Variants in CD59 observed in about 807,000 individuals in gnomAD.
The protein encoded by CD59 is CD59 molecule (CD59 blood group).
Under a neutral mutation model 7.0 loss-of-function variants are expected in CD59, and 3 were observed. The ratio of observed to expected loss-of-function variants is 0.43; its 90% CI spans 0.19 to 1.10. CD59 has a LOEUF of 1.10. Ranked by LOEUF, CD59 falls within the 50% of genes least tolerant of loss-of-function variation. The pLI, the probability that CD59 is intolerant of heterozygous loss-of-function variation, is 0.29. For missense variants in CD59, 143 were observed against 151.0 expected, an observed-to-expected ratio of 0.95 and a Z score of 0.28; for synonymous variants, 60 against 62.0, an observed-to-expected ratio of 0.97 and a Z score of 0.15.
chr11:33,719,631 T>C (rs990810685), intron 2 of CD59: 5 of 152,004 alleles, frequency 3.3e-5, no homozygotes, highest in Non-Finnish European at 7.4e-5. Context: ...AAAAAATAAA[T>C]AAAATAAAAT....
chr11:33,705,636 G>A lies in CD59; in HGVS notation c.*4490C>T, dbSNP rs1462818355. 6.6e-6 allele frequency: 1 copy of A among 152,198 alleles called. No individual in the cohort carries two copies. Among genetic ancestry groups the A allele is most frequent in the Non-Finnish European group, 1.5e-5 (1 of 68,040 alleles). The allele number at this position is 152,198 out of a possible 1,614,324, so 9.4% of individuals were successfully genotyped here. A position where few individuals can be genotyped will look rare whatever the true frequency, so the allele number is the denominator to read the frequency against. On this transcript the variant is annotated 3_prime_UTR_variant, in exon 4 of 4. Coordinates refer to ENST00000642928, the MANE Select transcript of CD59 (RefSeq NM_000611.6). The stretch of plus-strand genomic sequence containing the variant: ...CAGCTTCCCCAGTTTTGAGGTTTTT[G>A]AACTCAGGCTGAGCCACTACTGGCT...
intron 1 of CD59, among the ~76,000 whole-genome samples, chr11:33,725,480 A>G (rs1474774990): frequency 3.3e-5 from 5 of 152,190 alleles, no homozygotes; most frequent in Non-Finnish European, 5.9e-5. Context: ...GACTGTTCTA[A>G]TAATACTGCT....
rs370661440 is a variant in CD59 at position 33,708,423 on chromosome 11, G to A, written c.*1703C>T. 5 of 151,980 alleles carry A rather than the reference G, an allele frequency of 3.3e-5. No homozygotes were observed. Among genetic ancestry groups the A allele is most frequent in the East Asian group, 3.9e-4 (2 of 5,176 alleles). The allele number at this position is 151,980 out of a possible 1,614,324, so 9.4% of individuals were successfully genotyped here. On this transcript the variant is annotated 3_prime_UTR_variant, in exon 4 of 4. Transcript: ENST00000642928. ...CCTGAGAGAGGCTTCCAAAACTGTC[G>A]ACTCCTGGCTTTCTGGAGTGTGGCT...
rs1035979594 is a variant in CD59, at chr11:33,709,285, T to C, written c.*841A>G. ...GTGTCCCCACTGCATTCATACTATA[T>C]ACACACATACCTGAACTGCCTTTCT... is the stretch of plus-strand genomic sequence containing the variant. On this transcript the variant is annotated 3_prime_UTR_variant, in exon 4 of 4. Coordinates refer to ENST00000642928, the MANE Select transcript of CD59 (RefSeq NM_000611.6). 6.5e-6 allele frequency: 1 copy of C among 152,762 alleles called. No individual in the cohort carries two copies. The highest frequency in any genetic ancestry group is 1.5e-5 in the Non-Finnish European group (1 of 68,506). The allele number at this position is 152,762 out of a possible 1,614,324, so 9.5% of individuals were successfully genotyped here. A position where few individuals can be genotyped will look rare whatever the true frequency, so the allele number is the denominator to read the frequency against.
intron 1 of CD59, among the ~76,000 whole-genome samples, chr11:33,726,538 G>A (rs2133566389): frequency 6.6e-6 from 1 of 152,244 alleles, no homozygotes; most frequent in East Asian, 1.9e-4. Context: ...GTGTGTAGAG[G>A]GAAATTTATA....
At chr11:33,721,311 A>G (rs1854050059) in intron 2 of CD59, among the ~76,000 whole-genome samples, 1 of 152,182 alleles carries the variant, frequency 6.6e-6, no homozygotes, top group African/African-American at 2.4e-5. Flanking sequence ...CTCAGCTGTA[A>G]TATGGGAGGT....
chr11:33,731,960 C>T (rs779095032), intron 1 of CD59, among the ~76,000 whole-genome samples: 3 of 149,176 alleles, frequency 2.0e-5, no homozygotes, highest in South Asian at 2.1e-4. Flanking sequence ...TCACTGGGGA[C>T]GGTTTCCCCC....
chr11:33,728,584 G>A (rs1489491085), intron 1 of CD59, among the ~76,000 whole-genome samples: 1 of 152,108 alleles, frequency 6.6e-6, no homozygotes, highest in Non-Finnish European at 1.5e-5. Context: ...GAAAACCTAG[G>A]CAATACCATT....
At chr11:33,715,283 C>T (rs1358927247) in intron 3 of CD59, among the ~76,000 whole-genome samples, 4 of 152,138 alleles carry the variant, frequency 2.6e-5, no homozygotes, top group Non-Finnish European at 5.9e-5. Flanking sequence ...TACTGGTTTG[C>T]ATTCCCACTA....
rs1013328764 is a variant in CD59 at position 33,711,268 on chromosome 11, A to G, written c.170-925T>C. On this transcript the variant is annotated intron_variant, in intron 3 of 3. Transcript: ENST00000642928. Reference sequence around the variant, plus strand: ...AATTGTTTGAGGCGGGAAGTTTCAGACCAGCCTGGTCAACATGGCAAGACC... The same window carrying G: ...AATTGTTTGAGGCGGGAAGTTTCAGGCCAGCCTGGTCAACATGGCAAGACC... The G allele has an allele frequency of 6.6e-6, 4 of 603,826 alleles. No homozygotes were observed. The African/African-American group carries it at 7.6e-5, about 11-fold the overall frequency. The allele number at this position is 603,826 out of a possible 1,614,324, so 37.4% of individuals were successfully genotyped here.
rs768526855 is a variant in CD59 at position 33,710,104 on chromosome 11, G to A, written c.*22C>T. The A allele has an allele frequency of 6.3e-7, 1 of 1,578,502 alleles. No individual in the cohort carries two copies. The highest frequency in any genetic ancestry group is 1.7e-5 in the Admixed American group (1 of 58,624). On this transcript the variant is annotated 3_prime_UTR_variant, in exon 4 of 4. Coordinates refer to ENST00000642928, the MANE Select transcript of CD59 (RefSeq NM_000611.6). ...GACTACGCAGGAACGGGGAGTTTGG[G>A]AGAAGCTCTCCTGGTGTTGACTTAG... is the stretch of plus-strand genomic sequence containing the variant.
chr11:33,728,962 T>C (rs1397595057), intron 1 of CD59, among the ~76,000 whole-genome samples: 1 of 152,152 alleles, frequency 6.6e-6, no homozygotes, highest in Admixed American at 6.5e-5. Context: ...AAAACCACAA[T>C]GAGATACCAT....
In CD59 at chr11:33,717,467, AT is replaced by A; in HGVS notation, c.71del (p.His24LeufsTer56). ...LVLAVFCHSG[H>X]SLQCYNCPNP... ...TAGGACAGTTGTAGCACTGCAGGCT[AT>A]GACCTAGAATCAGGAAGAAAGTCAG... On this transcript the variant is annotated frameshift_variant, in exon 3 of 4. Transcript: ENST00000642928. LOFTEE classifies it high-confidence loss of function. 6.3e-7 allele frequency: 1 copy of A among 1,598,328 alleles called. No homozygotes were observed.
intron 2 of CD59, chr11:33,717,916 G>T (rs910638840): frequency 2.0e-5 from 5 of 248,578 alleles, no homozygotes; most frequent in African/African-American, 1.1e-4. Context: ...AATGAAATAT[G>T]TAAAATGTCA....
At chr11:33,735,837 A>ACCCGG in intron 1 of CD59, among the ~76,000 whole-genome samples, 1 of 149,108 alleles carries the variant, frequency 6.7e-6, no homozygotes, top group South Asian at 2.1e-4. Flanking sequence ...AATCGCTTGA[A>ACCCGG]CCCGGTACAC....
chr11:33,729,486 G>A (rs1854351450), intron 1 of CD59, among the ~76,000 whole-genome samples: 2 of 152,042 alleles, frequency 1.3e-5, no homozygotes, highest in Admixed American at 1.3e-4. Context: ...ATGGACACAG[G>A]GAGGGGAACA....
rs1361157132 is a variant in CD59, at chr11:33,709,422, A to T, written c.*704T>A. 6.4e-6 allele frequency: 1 copy of T among 155,476 alleles called. No homozygotes were observed. The highest frequency in any genetic ancestry group is 1.9e-4 in the East Asian group (1 of 5,246). 9.6% of individuals were successfully genotyped at this position (155,476 alleles called of 1,614,324 possible). A position where few individuals can be genotyped will look rare whatever the true frequency, so the allele number is the denominator to read the frequency against. On this transcript the variant is annotated 3_prime_UTR_variant, in exon 4 of 4. Coordinates refer to ENST00000642928, the MANE Select transcript of CD59 (RefSeq NM_000611.6). ...AGATATCCTACCATTCCAATAAAAA[A>T]AAGGCAAGGAAATAGCTTTAACACA...
At chr11:33,720,912 G>A (rs1295262751) in intron 2 of CD59, among the ~76,000 whole-genome samples, 1 of 152,182 alleles carries the variant, frequency 6.6e-6, no homozygotes, top group Non-Finnish European at 1.5e-5. Flanking sequence ...CTCATCTGTG[G>A]GCATGTGAGC....
chr11:33,714,447 G>A (rs1022698612), intron 3 of CD59, among the ~76,000 whole-genome samples: 5 of 152,192 alleles, frequency 3.3e-5, no homozygotes, highest in African/African-American at 1.2e-4. Context: ...TTGTGAGATT[G>A]GAAGTCAGTG....
Sources: gnomAD v4.1 joint callset for allele counts (sites outside exome capture counted in the v4.1 genomes callset) on GRCh38, gnomAD v4.1.1 for gene constraint, MANE v1.5 for transcripts, NCBI Gene and HGNC (gene_info 2026-07-23, HGNC 2026-07-21) for gene names.